Variants in DBN1 observed in about 807,000 individuals in gnomAD.
The protein encoded by DBN1 is drebrin.
Under a neutral mutation model 83.5 loss-of-function variants are expected in DBN1, and 21 were observed. The ratio of observed to expected loss-of-function variants is 0.25; its 90% CI spans 0.18 to 0.36. The LOEUF (loss-of-function observed/expected upper bound fraction) is 0.36. Ranked by LOEUF, DBN1 falls within the 10% of genes least tolerant of loss-of-function variation. DBN1 has a pLI of 1.00. For missense variants in DBN1, 874 were observed against 935.7 expected, an observed-to-expected ratio of 0.93 and a Z score of 0.86; for synonymous variants, 381 against 384.9, an observed-to-expected ratio of 0.99 and a Z score of 0.12.
intron 8 of DBN1, among the ~76,000 whole-genome samples, chr5:177,461,481 C>A (rs890213000): frequency 1.3e-5 from 2 of 152,168 alleles, no homozygotes; most frequent in Non-Finnish European, 2.9e-5. Context: ...CCCCGTCAAA[C>A]CCTGTCACAC....
chr5:177,469,995 G>A (rs1581736771), intron 1 of DBN1, among the ~76,000 whole-genome samples: 1 of 152,234 alleles, frequency 6.6e-6, no homozygotes, highest in South Asian at 2.1e-4. Context: ...GAAACCAGGA[G>A]AGGAGGAAGA....
At chr5:177,464,998 CA>C (rs1181594213) in intron 8 of DBN1, among the ~76,000 whole-genome samples, 1 of 151,590 alleles carries the variant, frequency 6.6e-6, no homozygotes, top group African/African-American at 2.4e-5. Context: ...ACTAAAAATA[CA>C]AAAAATTAGC....
intron 11 of DBN1, 30 bp downstream of exon 11, chr5:177,459,573 C>T (rs774740491): frequency 6.1e-6 from 9 of 1,471,036 alleles, no homozygotes; most frequent in Non-Finnish European, 8.1e-6. Flanking sequence ...CTCCTTACCA[C>T]CCCCGCCGAG....
At chr5:177,470,283 T>C (rs932474667) in intron 1 of DBN1, among the ~76,000 whole-genome samples, 3 of 152,182 alleles carry the variant, frequency 2.0e-5, no homozygotes, top group African/African-American at 7.2e-5. Context: ...CAAAGGGCCC[T>C]GGGAGAAGCA....
rs1261178164 is a variant in DBN1 at position 177,460,449 on chromosome 5, G to A, written c.938C>T (p.Pro313Leu). 2 of 1,614,002 alleles carry A rather than the reference G, an allele frequency of 1.2e-6. No individual in the cohort carries two copies. The highest frequency in any genetic ancestry group is 2.2e-5 in the East Asian group (1 of 44,888). ...AGGACTACCTGGTCGATGGTTGAAG[G>A]GCGAGGGTACATCACAGCTGCCCGC... The part of the protein sequence containing the change: ...ASAGSCDVPS[P>L]FNHRPGRPYC... Residue 313 changes from proline (P) to leucine (L), a missense_variant, in exon 10 of 15, where the codon CCC (proline) becomes CTC (leucine). By Grantham distance (98) the Pro-to-Leu change is moderately conservative. Transcript: ENST00000393565.
intron 1 of DBN1, chr5:177,472,739 C>T (rs1179626748): frequency 2.0e-6 from 2 of 976,178 alleles, no homozygotes; most frequent in African/African-American, 3.5e-5. Context: ...GCTGCCTAGT[C>T]CCCGCAGTCC....
chr5:177,472,819 C>T, intron 1 of DBN1: 2 of 986,308 alleles, frequency 2.0e-6, no homozygotes, highest in Non-Finnish European at 2.4e-6. Context: ...AGTCACTTCG[C>T]GGTCGCCATG....
At chr5:177,465,772 T>C (rs1757403062) in intron 8 of DBN1, among the ~76,000 whole-genome samples, 1 of 151,336 alleles carries the variant, frequency 6.6e-6, no homozygotes, top group Non-Finnish European at 1.5e-5. Flanking sequence ...GGAGAATCGC[T>C]TGAACCTGGG....
Position 177,465,222 on chromosome 5 carries a change from C to T in DBN1, c.771+1550G>A, listed in dbSNP as rs574317421. On this transcript the variant is annotated intron_variant, in intron 8 of 14. Transcript: ENST00000393565. ...AAAGGATAAATAAAATGTGGTATAT[C>T]CATACAATGGAATATGATTCAGCCT... 2.0e-5 allele frequency among the ~76,000 whole-genome samples: 3 copies of T among 152,320 alleles called. No homozygotes were observed. In the South Asian group the frequency reaches 6.2e-4, roughly 32 times the overall value.
rs775502931 is a variant in DBN1 at position 177,468,951 on chromosome 5, T to A, written c.87-52A>T. The A allele has an allele frequency of 4.1e-6, 5 of 1,206,444 alleles. No individual in the cohort carries two copies. In the Admixed American group the frequency reaches 9.2e-5, roughly 22 times the overall value. The allele number at this position is 1,206,444 out of a possible 1,614,324, so 74.7% of individuals were successfully genotyped here. On this transcript the variant is annotated intron_variant, in intron 1 of 14. Transcript: ENST00000393565. ...AACTGTCAGGGCCCAGGCCGCCAAT[T>A]CTGGGTGGGGACGGCTCTGGGGAGG...
intron 8 of DBN1, among the ~76,000 whole-genome samples, chr5:177,464,122 GATAAATAAATAAAA>G (rs896956120): frequency 6.7e-6 from 1 of 149,844 alleles, no homozygotes; most frequent in African/African-American, 2.5e-5. Context: ...TCTTAAAAAA[GATAAATAAATAAAA>G]ATAAATAAAT....
chr5:177,467,416 G>C lies in DBN1; in HGVS notation c.477+65C>G. The stretch of plus-strand genomic sequence containing the variant: ...TAAAGGGTGAGAGCTAAGAGGGACC[G>C]GGCAGGCCAGACTCGGGCACCAGGC... On this transcript the variant is annotated intron_variant, in intron 5 of 14. Coordinates refer to ENST00000393565, the MANE Select transcript of DBN1 (RefSeq NM_001363541.2). This position sits in a 1 kb window ranked among gnomAD's most constrained non-coding sequence, Gnocchi z 9.1. The C allele has an allele frequency of 6.2e-7, 1 of 1,612,422 alleles. No homozygotes were observed. The highest frequency in any genetic ancestry group is 8.5e-7 in the Non-Finnish European group (1 of 1,178,778).
intron 14 of DBN1, 39 bp downstream of exon 14, chr5:177,457,616 C>A (rs771734463): frequency 6.5e-7 from 1 of 1,534,188 alleles, no homozygotes; most frequent in Non-Finnish European, 9.0e-7. Flanking sequence ...ATCCAGCCCC[C>A]GCACCCAAAT....
At chr5:177,461,328 G>A (rs956230515) in intron 8 of DBN1, among the ~76,000 whole-genome samples, 1 of 151,566 alleles carries the variant, frequency 6.6e-6, no homozygotes, top group African/African-American at 2.4e-5. Context: ...TCGATCTCCT[G>A]ACCTCGTGAT....
chr5:177,458,624 G>C lies in DBN1; in HGVS notation c.1348C>G (p.Pro450Ala). The change falls in exon 13 of 15, where the codon CCC (proline) becomes GCC (alanine). Residue 450 changes from proline (P) to alanine (A), a missense_variant. This residue lies in a region of DBN1 where 725 missense variants were observed against 719.7 expected (regional missense o/e 1.01). Transcript: ENST00000393565. ...CGGGGAGGCGCCTGTGCCTGAGGGG[G>C]CTCCTCCATGGGGCCGGCCCAGGCC... is the stretch of plus-strand genomic sequence containing the variant. ...PQAWAGPMEE[P>A]PQAQAPPRGP... 1 of 1,608,490 alleles carries C rather than the reference G, an allele frequency of 6.2e-7. No individual in the cohort carries two copies. Among genetic ancestry groups the C allele is most frequent in the Non-Finnish European group, 8.5e-7 (1 of 1,177,040 alleles).
At chr5:177,471,157 G>T (rs1046006459) in intron 1 of DBN1, among the ~76,000 whole-genome samples, 1 of 151,992 alleles carries the variant, frequency 6.6e-6, no homozygotes, top group Non-Finnish European at 1.5e-5. Context: ...GATGGGGGGT[G>T]AGCTGGGGTG....
chr5:177,458,762 A>G, intron 12 of DBN1, 55 bp from the exon 13 acceptor site: 1 of 1,409,010 alleles, frequency 7.1e-7, no homozygotes, highest in Non-Finnish European at 9.3e-7. Flanking sequence ...GGGAGGATGG[A>G]GACCCTGCCC....
In DBN1 at chr5:177,456,989, A is replaced by G. The variant is rs72815109; in HGVS notation, c.*444T>C. The G allele has an allele frequency of 9.0e-3, 1,452 of 160,652 alleles. 12 individuals carry two copies. The highest frequency in any genetic ancestry group is 0.014 in the Non-Finnish European group (1,053 of 72,798). The allele number at this position is 160,652 out of a possible 1,614,324, so 10.0% of individuals were successfully genotyped here. On this transcript the variant is annotated 3_prime_UTR_variant, in exon 15 of 15. Transcript: ENST00000393565. ...TTTTAAAATTCGTGCAAAATATCTG[A>G]AGCCCTGGACAGAGAATACAAAGTG...
Position 177,459,272 on chromosome 5 carries a change from T to C in DBN1, c.1094-4A>G, listed in dbSNP as rs1273474393. ...CGGTGGCTGTCCAGGTGGCTGCCTG[T>C]GGAACAAACCCCAGGTGGGTCAGTG... is the stretch of plus-strand genomic sequence containing the variant. On this transcript the variant is annotated splice_region_variant and splice_polypyrimidine_tract_variant and intron_variant, in intron 11 of 14. Coordinates refer to ENST00000393565, the MANE Select transcript of DBN1 (RefSeq NM_001363541.2). 4.4e-6 allele frequency: 7 copies of C among 1,603,732 alleles called. No homozygotes were observed.
Sources: allele counts gnomAD v4.1 joint callset (sites outside exome capture counted in the v4.1 genomes callset), GRCh38; gene constraint gnomAD v4.1.1; regional missense constraint gnomAD v4.1.1; non-coding constraint Gnocchi (gnomAD v3.1); transcripts MANE v1.5; gene names NCBI Gene and HGNC (gene_info 2026-07-23, HGNC 2026-07-21).